The following ASPSCR1 variants were observed in gnomAD, a reference collection of about 807,000 sequenced individuals.
ASPSCR1 encodes the protein tether containing UBX domain for GLUT4.
ASPSCR1 carries 55 observed loss-of-function variants against 68.9 expected under a neutral mutation model. The observed-to-expected ratio is 0.80, with a 90% CI of 0.64 to 1.00. The LOEUF (loss-of-function observed/expected upper bound fraction) is 1.00. Among genes scored for constraint, ASPSCR1 ranks in the 50% least tolerant of loss-of-function variants. The pLI, the probability that ASPSCR1 is intolerant of heterozygous loss-of-function variation, is 0.00. For missense variants in ASPSCR1, 765 were observed against 762.2 expected, an observed-to-expected ratio of 1.00 and a Z score of -0.04; for synonymous variants, 352 against 332.6, an observed-to-expected ratio of 1.06 and a Z score of -0.63.
At chr17:82,011,804 G>T (rs543321809) in intron 11 of ASPSCR1, among the ~76,000 whole-genome samples, 199 bp downstream of exon 11, 18 of 152,244 alleles carry the variant, frequency 1.2e-4, no homozygotes, top group African/African-American at 4.3e-4. Flanking sequence ...GCCAGGCGGT[G>T]GGAGCCAGGC....
chr17:82,010,355 C>A (rs1793987539), intron 9 of ASPSCR1, among the ~76,000 whole-genome samples: 2 of 151,238 alleles, frequency 1.3e-5, no homozygotes, highest in Non-Finnish European at 3.0e-5. Flanking sequence ...CGGTGAAACC[C>A]CATCTCTACT....
At chr17:82,007,899 AGGGCAGCCCCCAG>A (rs1393209465) in intron 7 of ASPSCR1, 1 of 152,256 alleles carries the variant, frequency 6.6e-6, no homozygotes, top group African/African-American at 2.4e-5. Context: ...TGGCTTTGGA[AGGGCAGCCCCCAG>A]GGGCCTTGGT....
intron 13 of ASPSCR1, 93 bp from the exon 14 acceptor site, chr17:82,016,707 C>A: frequency 2.0e-6 from 3 of 1,489,452 alleles, no homozygotes; most frequent in Non-Finnish European, 2.7e-6. Flanking sequence ...TGGCCACCCC[C>A]CTCCCAGAGC....
At position 82,016,443 on chromosome 17, in the gene ASPSCR1, A is replaced by T. The variant is rs965565108; in HGVS notation, c.1354-33A>T. The stretch of plus-strand genomic sequence containing the variant: ...CACAGCAGGGGGGTGCTCTGCCCAC[A>T]CCCGGCCCCTGAGCCCCCCGCCCTC... On this transcript the variant is annotated intron_variant, in intron 12 of 15. Coordinates refer to ENST00000306739, the MANE Select transcript of ASPSCR1 (RefSeq NM_024083.4). 2.6e-6 allele frequency: 4 copies of T among 1,539,600 alleles called. No individual in the cohort carries two copies. In the African/African-American group the frequency reaches 5.5e-5, roughly 21 times the overall value.
At chr17:82,004,175 G>A (rs1390269807) in intron 7 of ASPSCR1, among the ~76,000 whole-genome samples, 1 of 152,200 alleles carries the variant, frequency 6.6e-6, no homozygotes, top group South Asian at 2.1e-4. Context: ...CCCTCACCCT[G>A]CAGCCCCCAG....
Position 81,983,790 on chromosome 17 carries a change from C to T in ASPSCR1, c.273+122C>T. ...AGGGACATGAGTCTTAGCACCAGTT[C>T]TGCCTTCCCTGGGTTGGGCCCAAAC... On this transcript the variant is annotated intron_variant, in intron 3 of 15. Transcript: ENST00000306739. This position sits in a 1 kb window ranked among gnomAD's most constrained non-coding sequence, Gnocchi z 4.4. 2 of 787,712 alleles carry T rather than the reference C, an allele frequency of 2.5e-6. No individual in the cohort carries two copies. Among genetic ancestry groups the T allele is most frequent in the East Asian group, 2.8e-5 (1 of 36,348 alleles). The allele number at this position is 787,712 out of a possible 1,614,324, so 48.8% of individuals were successfully genotyped here. A position where few individuals can be genotyped will look rare whatever the true frequency, so the allele number is the denominator to read the frequency against.
chr17:81,977,952 G>A lies in ASPSCR1; in HGVS notation c.102+204G>A, dbSNP rs536755875. ...GGGGTCCCGGGGGTCCCGAGTGGGG[G>A]CGGGGCGGTGGCGAGCCTTCCCAGG... On this transcript the variant is annotated intron_variant, in intron 1 of 15. Coordinates refer to ENST00000306739, the MANE Select transcript of ASPSCR1 (RefSeq NM_024083.4). The surrounding 1 kb of genome is among the most constrained non-coding windows in gnomAD (Gnocchi z 5.0). 18 of 322,204 alleles carry A rather than the reference G, an allele frequency of 5.6e-5. No homozygotes were observed. In the East Asian group the frequency reaches 9.3e-4, roughly 17 times the overall value. 20.0% of individuals were successfully genotyped at this position (322,204 alleles called of 1,614,324 possible). A position where few individuals can be genotyped will look rare whatever the true frequency, so the allele number is the denominator to read the frequency against.
At chr17:82,000,545 AC>A (rs1488957335) in intron 7 of ASPSCR1, among the ~76,000 whole-genome samples, 1 of 152,174 alleles carries the variant, frequency 6.6e-6, no homozygotes, top group African/African-American at 2.4e-5. Flanking sequence ...ACAAAACAGA[AC>A]TTTTTTGGGG....
At position 81,994,830 on chromosome 17, in the gene ASPSCR1, G is replaced by A. The variant is rs765054267; in HGVS notation, c.384G>A (p.Leu128=). 3.9e-5 allele frequency: 63 copies of A among 1,613,284 alleles called. No homozygotes were observed. The highest frequency in any genetic ancestry group is 4.5e-5 in the Non-Finnish European group (53 of 1,179,966). Residue 128 remains leucine (L), a synonymous_variant, in exon 5 of 16, where the codon CTG becomes CTA. Transcript: ENST00000306739. The stretch of plus-strand genomic sequence containing the variant: ...TTTCCTCTCCTCCCAGGGAGTGCCT[G>A]CAGCACCCCGGCGGGGCCACCCCAG... The part of the protein sequence containing the change: ...LSHFPQIREC[L]QHPGGATPVC...
chr17:81,991,341 A>G (rs1484278633), intron 4 of ASPSCR1, among the ~76,000 whole-genome samples: 1 of 152,050 alleles, frequency 6.6e-6, no homozygotes, highest in East Asian at 1.9e-4. Context: ...GGGCTGGCTG[A>G]GTGCATCTCA....
intron 7 of ASPSCR1, among the ~76,000 whole-genome samples, chr17:82,002,912 T>C (rs533220407): frequency 1.3e-5 from 2 of 151,978 alleles, no homozygotes; most frequent in African/African-American, 4.8e-5. Context: ...TCTGTCTATG[T>C]TGCCTAGCCT....
chr17:81,977,630 G>T lies in ASPSCR1; in HGVS notation c.-17G>T. ...GTTGTTTGACGCCGGCCCGGCGGCGGGTCACGTGAGCGGAAAATGGCGGCC... is the reference window on the plus strand; with the variant it reads ...GTTGTTTGACGCCGGCCCGGCGGCGTGTCACGTGAGCGGAAAATGGCGGCC... On this transcript the variant is annotated 5_prime_UTR_variant, in exon 1 of 16. Transcript: ENST00000306739. The surrounding 1 kb of genome is among the most constrained non-coding windows in gnomAD (Gnocchi z 5.0). 1 of 1,382,662 alleles carries T rather than the reference G, an allele frequency of 7.2e-7. No individual in the cohort carries two copies. The highest frequency in any genetic ancestry group is 9.4e-7 in the Non-Finnish European group (1 of 1,064,970). 85.6% of individuals were successfully genotyped at this position (1,382,662 alleles called of 1,614,324 possible). A position where few individuals can be genotyped will look rare whatever the true frequency, so the allele number is the denominator to read the frequency against.
rs374443391 is a variant in ASPSCR1 at position 81,996,023 on chromosome 17, C to A, written c.464C>A (p.Thr155Lys). 2 of 1,610,410 alleles carry A rather than the reference C, an allele frequency of 1.2e-6. No individual in the cohort carries two copies. Among genetic ancestry groups the A allele is most frequent in the East Asian group, 4.5e-5 (2 of 44,784 alleles). The change falls in exon 6 of 16, where the codon ACG becomes AAG. Residue 155 changes from threonine to lysine, a missense_variant. Physicochemically the swap from Thr to Lys is moderately conservative, Grantham distance 78. Transcript: ENST00000306739. ...GGTGAAGCTGCCCTGCGGGGCACGA[C>A]GCTGCAGTCGCTGGGCCTGACCGGG... ...VTGEAALRGT[T>K]LQSLGLTGGS...
chr17:81,996,487 G>A lies in ASPSCR1; in HGVS notation c.574G>A (p.Gly192Ser), dbSNP rs766899647. 1.2e-6 allele frequency: 2 copies of A among 1,611,586 alleles called. No individual in the cohort carries two copies. Among genetic ancestry groups the A allele is most frequent in the Admixed American group, 3.3e-5 (2 of 59,920 alleles). Residue 192 changes from glycine to serine, a missense_variant, in exon 7 of 16, where the codon GGC (glycine) becomes AGC (serine). Coordinates refer to ENST00000306739, the MANE Select transcript of ASPSCR1 (RefSeq NM_024083.4). ...PGSLGSSASA[G>S]QAAASAPLPL... is the part of the protein sequence containing the mutation. ...AAGCCTGGGCTCGTCAGCGTCGGCT[G>A]GCCAGGCAGCCGCCAGCGCTCCACT...
At position 81,985,395 on chromosome 17, in the gene ASPSCR1, G is replaced by C. The variant is rs149356314; in HGVS notation, c.274-112G>C. On this transcript the variant is annotated intron_variant, in intron 3 of 15. Transcript: ENST00000306739. Reference sequence around the variant, plus strand: ...TCTCCGTGGGGGTCAGCCTCTCCCTGGAGGCCAGGGCGGGGCAGTCACCCT... The same window carrying C: ...TCTCCGTGGGGGTCAGCCTCTCCCTCGAGGCCAGGGCGGGGCAGTCACCCT... 461 of 1,135,372 alleles carry C rather than the reference G, an allele frequency of 4.1e-4. 1 individual carries two copies. In the African/African-American group the frequency reaches 5.7e-3, roughly 14 times the overall value. The allele number at this position is 1,135,372 out of a possible 1,614,324, so 70.3% of individuals were successfully genotyped here.
intron 2 of ASPSCR1, 60 bp downstream of exon 2, chr17:81,979,299 C>T (rs995918507): frequency 1.7e-5 from 27 of 1,558,494 alleles, no homozygotes; most frequent in Non-Finnish European, 2.3e-5. Flanking sequence ...GCCCCCTGAA[C>T]ATACTGGCTC....
chr17:81,991,515 C>A (rs945461644), intron 4 of ASPSCR1, among the ~76,000 whole-genome samples: 3 of 152,204 alleles, frequency 2.0e-5, no homozygotes, highest in Non-Finnish European at 4.4e-5. Flanking sequence ...TCTGTGCATG[C>A]TGCTGGGCCA....
Position 82,011,940 on chromosome 17 carries a change from T to A in ASPSCR1, c.1301-291T>A, listed in dbSNP as rs529096868. 45 of 602,938 alleles carry A rather than the reference T, an allele frequency of 7.5e-5. No individual in the cohort carries two copies. The African/African-American group carries it at 8.2e-4, about 11-fold the overall frequency. 37.3% of individuals were successfully genotyped at this position (602,938 alleles called of 1,614,324 possible). On this transcript the variant is annotated intron_variant, in intron 11 of 15. Transcript: ENST00000306739. ...GTGGGAAGGGTGGGTGGACAGGGAGTGGCTGGCCTCCCTTGGAGGGTGTCT... is the reference window on the plus strand; with the variant it reads ...GTGGGAAGGGTGGGTGGACAGGGAGAGGCTGGCCTCCCTTGGAGGGTGTCT...
rs1193524882 is a variant in ASPSCR1, at chr17:81,990,394, A to G, written c.375-4427A>G. On this transcript the variant is annotated intron_variant, in intron 4 of 15. Transcript: ENST00000306739. The surrounding 1 kb of genome is among the most constrained non-coding windows in gnomAD (Gnocchi z 4.1). ...GGCTTCGAGCTTTCCCATTTTCCCT[A>G]TAGTCTGAAGGTTCTGCCCAGCACA... is the stretch of plus-strand genomic sequence containing the variant. Among the ~76,000 whole-genome samples, 2 of 152,068 alleles carry G rather than the reference A, an allele frequency of 1.3e-5. No individual in the cohort carries two copies. Among genetic ancestry groups the G allele is most frequent in the East Asian group, 1.9e-4 (1 of 5,194 alleles).
Sources: gnomAD v4.1 joint callset for allele counts (sites outside exome capture counted in the v4.1 genomes callset) on GRCh38, gnomAD v4.1.1 for gene constraint, Gnocchi (gnomAD v3.1) non-coding constraint, MANE v1.5 for transcripts, NCBI Gene and HGNC (gene_info 2026-07-23, HGNC 2026-07-21) for gene names.